The following CAPN14 variants were observed in gnomAD, a reference collection of about 807,000 sequenced individuals.
CAPN14 encodes calpain-14.
CAPN14 carries 94 observed loss-of-function variants against 101.3 expected under a neutral mutation model. That is an observed-to-expected ratio of 0.93 (90% CI 0.79 to 1.10). The LOEUF (loss-of-function observed/expected upper bound fraction) is 1.10. Among genes scored for constraint, CAPN14 ranks in the 50% least tolerant of loss-of-function variants. The pLI, the probability that CAPN14 is intolerant of heterozygous loss-of-function variation, is 0.00. For synonymous variants in CAPN14, 338 were observed against 317.9 expected, an observed-to-expected ratio of 1.06 and a Z score of -0.67; for missense variants, 837 against 828.4, an observed-to-expected ratio of 1.01 and a Z score of -0.13.
chr2:31,187,817 A>G lies in CAPN14; in HGVS notation c.1531-3T>C, dbSNP rs1175427914. On this transcript the variant is annotated splice_region_variant and splice_polypyrimidine_tract_variant and intron_variant, in intron 14 of 21. Transcript: ENST00000403897. The stretch of plus-strand genomic sequence containing the variant: ...CTTTCATTTTGGTCTTCTATCTCCT[A>G]TAGGAAGAGACACACAGAAAGACAC... The G allele has an allele frequency of 3.2e-6, 5 of 1,549,036 alleles. No homozygotes were observed. The highest frequency in any genetic ancestry group is 4.4e-6 in the Non-Finnish European group (5 of 1,144,614).
At chr2:31,203,854 C>A (rs555169692) in intron 2 of CAPN14, among the ~76,000 whole-genome samples, 18 of 152,296 alleles carry the variant, frequency 1.2e-4, no homozygotes, top group African/African-American at 3.9e-4. Context: ...TTACCCTGTT[C>A]ACTAGCTGTG....
intron 2 of CAPN14, among the ~76,000 whole-genome samples, chr2:31,224,232 A>G (rs188880338): frequency 7.1e-4 from 108 of 152,282 alleles, no homozygotes; most frequent in Admixed American, 1.4e-3. Context: ...TGGCACCACC[A>G]TCTACCCAGG....
At chr2:31,176,890 G>A in intron 20 of CAPN14, 136 bp downstream of exon 20, 1 of 717,028 alleles carries the variant, frequency 1.4e-6, no homozygotes, top group Non-Finnish European at 2.4e-6. Flanking sequence ...GCACTTGGCT[G>A]GAGGTCCCCA....
chr2:31,185,948 G>A (rs1680879336), intron 16 of CAPN14, among the ~76,000 whole-genome samples: 1 of 152,110 alleles, frequency 6.6e-6, no homozygotes, highest in Admixed American at 6.5e-5. Flanking sequence ...GGCTTCATAT[G>A]AAAGCCTCAC....
At chr2:31,179,475 G>C (rs1379876774) in intron 17 of CAPN14, among the ~76,000 whole-genome samples, 1 of 152,156 alleles carries the variant, frequency 6.6e-6, no homozygotes, top group Admixed American at 6.5e-5. Flanking sequence ...TATCATTGAG[G>C]GACATTTGGA....
intron 16 of CAPN14, among the ~76,000 whole-genome samples, chr2:31,182,105 T>C (rs1680675433): frequency 6.6e-6 from 1 of 152,116 alleles, no homozygotes; most frequent in African/African-American, 2.4e-5. Context: ...CACACTGACT[T>C]CCACATTGGC....
intron 1 of CAPN14, among the ~76,000 whole-genome samples, chr2:31,211,041 A>G (rs2148698599): frequency 6.6e-6 from 1 of 152,306 alleles, no homozygotes; most frequent in African/African-American, 2.4e-5. Context: ...AACCCAAGAA[A>G]AGATATTTAC....
intron 5 of CAPN14, among the ~76,000 whole-genome samples, chr2:31,201,559 T>C (rs1233845925): frequency 6.6e-6 from 1 of 152,180 alleles, no homozygotes; most frequent in Non-Finnish European, 1.5e-5. Context: ...AGCCTTTGCT[T>C]AGGTTTTCTT....
At chr2:31,203,928 A>T (rs1177293774) in intron 2 of CAPN14, among the ~76,000 whole-genome samples, 1 of 152,224 alleles carries the variant, frequency 6.6e-6, no homozygotes, top group East Asian at 1.9e-4. Flanking sequence ...CACATTAAGA[A>T]GTTGCTTTTT....
In CAPN14 at chr2:31,201,966, C is replaced by A. The variant is rs1334727738; in HGVS notation, c.447G>T (p.Val149=). 2.6e-6 allele frequency: 4 copies of A among 1,551,738 alleles called. No individual in the cohort carries two copies. Among genetic ancestry groups the A allele is most frequent in the African/African-American group, 1.4e-5 (1 of 73,170 alleles). Residue 149 remains valine, a synonymous_variant, in exon 5 of 22, where the codon GTG becomes GTT. Coordinates refer to ENST00000403897, the MANE Select transcript of CAPN14 (RefSeq NM_001145122.2). ...FWHYGNWVPV[V]IDDRLPVNEA... ...CATTCACAGGCAGACGGTCATCGAT[C>A]ACCACAGGAACCCAGTTCCCATAGT...
chr2:31,193,261 C>T lies in CAPN14; in HGVS notation c.984G>A (p.Val328=), dbSNP rs1681297082. The change falls in exon 10 of 22, where the codon GTG becomes GTA. Residue 328 remains valine (V), a synonymous_variant. Coordinates refer to ENST00000403897, the MANE Select transcript of CAPN14 (RefSeq NM_001145122.2). ...GGGTCAGTTTACAGATAACCAGGAG[C>T]ACGAAATGTGTTTTAAAGTCCTGCA... The part of the protein sequence containing the change: ...MTLQDFKTHF[V]LLVICKLTPG... 1 of 1,551,782 alleles carries T rather than the reference C, an allele frequency of 6.4e-7. No individual in the cohort carries two copies. Among genetic ancestry groups the T allele is most frequent in the African/African-American group, 1.4e-5 (1 of 73,160 alleles).
rs777345038 is a variant in CAPN14, at chr2:31,200,480, T to C, written c.697A>G (p.Thr233Ala). The part of the protein sequence containing the change: ...DILIEATYNR[T>A]LIGCQTHSGE... Reference sequence around the variant, plus strand: ...GAGTGGGTCTGGCAGCCAATGAGGGTTCTGTTGTAGGTGGCTTCGATGAGG... The same window carrying C: ...GAGTGGGTCTGGCAGCCAATGAGGGCTCTGTTGTAGGTGGCTTCGATGAGG... The change falls in exon 6 of 22, where the codon ACC (threonine) becomes GCC (alanine). Residue 233 changes from threonine to alanine, a missense_variant. By Grantham distance (58) the Thr-to-Ala change is moderately conservative. Coordinates refer to ENST00000403897, the MANE Select transcript of CAPN14 (RefSeq NM_001145122.2). 7.2e-5 allele frequency: 112 copies of C among 1,550,254 alleles called. 1 individual carries two copies. The South Asian group carries it at 1.2e-3, about 17-fold the overall frequency.
intron 1 of CAPN14, among the ~76,000 whole-genome samples, chr2:31,229,712 G>GAAAGAAAAC (rs1683132224): frequency 1.4e-5 from 2 of 144,280 alleles, no homozygotes; most frequent in South Asian, 4.4e-4. Flanking sequence ...AAAAGAAAAA[G>GAAAGAAAAC]AAAGAAAACA....
At chr2:31,183,842 C>T (rs71444484) in intron 16 of CAPN14, among the ~76,000 whole-genome samples, 2 of 145,940 alleles carry the variant, frequency 1.4e-5, no homozygotes, top group African/African-American at 5.0e-5. Context: ...CTCCTTCTTC[C>T]CTCCCTCCCT....
At chr2:31,227,980 T>C (rs527495741) in intron 1 of CAPN14, among the ~76,000 whole-genome samples, 9 of 152,202 alleles carry the variant, frequency 5.9e-5, no homozygotes, top group African/African-American at 2.2e-4. Context: ...CCTTAAGGTA[T>C]GAGTGGGTGC....
At chr2:31,209,621 T>A (rs1231961152) in intron 1 of CAPN14, among the ~76,000 whole-genome samples, 1 of 152,196 alleles carries the variant, frequency 6.6e-6, no homozygotes. Context: ...TAGTGTTTAC[T>A]AAAAGGTAAA....
At chr2:31,204,695 C>T (rs971879162) in intron 2 of CAPN14, among the ~76,000 whole-genome samples, 3 of 152,102 alleles carry the variant, frequency 2.0e-5, no homozygotes, top group African/African-American at 7.2e-5. Flanking sequence ...ATGAGAGCTC[C>T]ACACCCCTTC....
intron 8 of CAPN14, among the ~76,000 whole-genome samples, chr2:31,194,772 A>G (rs1681382041): frequency 6.6e-6 from 1 of 152,202 alleles, no homozygotes; most frequent in Non-Finnish European, 1.5e-5. Flanking sequence ...ATTTGCTTGA[A>G]GTCAAATATC....
At chr2:31,183,394 C>A (rs1384145222) in intron 16 of CAPN14, among the ~76,000 whole-genome samples, 1 of 152,178 alleles carries the variant, frequency 6.6e-6, no homozygotes, top group East Asian at 1.9e-4. Flanking sequence ...TCAGAGTGAA[C>A]AGGCAACCTA....
Sources: allele counts gnomAD v4.1 joint callset (sites outside exome capture counted in the v4.1 genomes callset), GRCh38; gene constraint gnomAD v4.1.1; transcripts MANE v1.5; gene names NCBI Gene and HGNC (gene_info 2026-07-23, HGNC 2026-07-21).